The following GTPBP4 variants were observed in gnomAD, a reference collection of about 807,000 sequenced individuals.
GTPBP4 encodes GTP-binding protein 4.
Under a neutral mutation model 81.7 loss-of-function variants are expected in GTPBP4, and 15 were observed. The ratio of observed to expected loss-of-function variants is 0.18; its 90% CI spans 0.12 to 0.28. The LOEUF (loss-of-function observed/expected upper bound fraction) is 0.28, where lower values mean the gene tolerates loss of function less well. GTPBP4 is among the 10% of genes least tolerant of loss of function. The pLI, the probability that GTPBP4 is intolerant of heterozygous loss-of-function variation, is 1.00. For missense variants in GTPBP4, 847 were observed against 793.8 expected, an observed-to-expected ratio of 1.07 and a Z score of -0.81; for synonymous variants, 272 against 274.6, an observed-to-expected ratio of 0.99 and a Z score of 0.09.
At position 1,006,921 on chromosome 10, in the gene GTPBP4, G is replaced by A. The variant is rs576163423; in HGVS notation, c.1003-97G>A. On this transcript the variant is annotated intron_variant, in intron 9 of 16. Coordinates refer to ENST00000360803, the MANE Select transcript of GTPBP4 (RefSeq NM_012341.3). The stretch of plus-strand genomic sequence containing the variant: ...ACGTGTTAGTTACCTTGAGGGAAAA[G>A]GCTCAGTGGCTCTGATCTGTGGCTC... 6 of 755,994 alleles carry A rather than the reference G, an allele frequency of 7.9e-6. No individual in the cohort carries two copies. In the African/African-American group the frequency reaches 8.5e-5, roughly 11 times the overall value. The allele number at this position is 755,994 out of a possible 1,614,324, so 46.8% of individuals were successfully genotyped here.
intron 12 of GTPBP4, 41 bp from the exon 13 acceptor site, chr10:1,010,379 A>C: frequency 9.6e-7 from 1 of 1,038,546 alleles, no homozygotes; most frequent in East Asian, 2.4e-5. Flanking sequence ...TGAAGATATT[A>C]AAAACTGCTG....
At chr10:991,948 G>T (rs1470645878) in intron 1 of GTPBP4, among the ~76,000 whole-genome samples, 1 of 149,988 alleles carries the variant, frequency 6.7e-6, no homozygotes, top group Non-Finnish European at 1.5e-5. Flanking sequence ...GCCCGCCTCA[G>T]CCTCCCAAAG....
At position 1,000,721 on chromosome 10, in the gene GTPBP4, G is replaced by A. The variant is rs138136568; in HGVS notation, c.699G>A (p.Arg233=). ...PGILDHPLED[R]NTIEMQAITA... is the part of the protein sequence containing the mutation. ...TCCTGGACCACCCTCTGGAGGATAG[G>A]AACACCATCGAGATGCAGGCCATCA... Residue 233 remains arginine, a synonymous_variant, in exon 7 of 17, where the codon AGG becomes AGA. Transcript: ENST00000360803. 13 of 1,574,526 alleles carry A rather than the reference G, an allele frequency of 8.3e-6. No homozygotes were observed. Among genetic ancestry groups the A allele is most frequent in the Non-Finnish European group, 1.0e-5 (12 of 1,161,152 alleles).
Position 1,001,026 on chromosome 10 carries a change from A to G in GTPBP4, c.912+13A>G. On this transcript the variant is annotated intron_variant, in intron 8 of 16. Transcript: ENST00000360803. Reference sequence around the variant, plus strand: ...TGAAGATGATCAGGTAAATCACGTTAATATTTTGAATATTTCTTACTTACC... The same window carrying G: ...TGAAGATGATCAGGTAAATCACGTTGATATTTTGAATATTTCTTACTTACC... The G allele has an allele frequency of 6.5e-7, 1 of 1,536,206 alleles. No individual in the cohort carries two copies. The highest frequency in any genetic ancestry group is 1.7e-4 in the Middle Eastern group (1 of 5,860).
At chr10:999,604 A>T (rs1444259902) in intron 6 of GTPBP4, among the ~76,000 whole-genome samples, 1 of 152,216 alleles carries the variant, frequency 6.6e-6, no homozygotes, top group African/African-American at 2.4e-5. Context: ...TTAACATAAA[A>T]TGAAATTATC....
At position 1,017,321 on chromosome 10, in the gene GTPBP4, C is replaced by A; in HGVS notation, c.*94C>A. The A allele has an allele frequency of 1.8e-6, 2 of 1,135,398 alleles. No homozygotes were observed. Among genetic ancestry groups the A allele is most frequent in the Non-Finnish European group, 2.5e-6 (2 of 785,842 alleles). The allele number at this position is 1,135,398 out of a possible 1,614,324, so 70.3% of individuals were successfully genotyped here. ...TCATGAAATTGGAGCTCTGTATAAACTGAAAAAGACAAAATAAGTAAAGCA... is the reference window on the plus strand; with the variant it reads ...TCATGAAATTGGAGCTCTGTATAAAATGAAAAAGACAAAATAAGTAAAGCA... On this transcript the variant is annotated 3_prime_UTR_variant, in exon 17 of 17. Coordinates refer to ENST00000360803, the MANE Select transcript of GTPBP4 (RefSeq NM_012341.3).
chr10:999,751 A>G (rs1831591323), intron 6 of GTPBP4, among the ~76,000 whole-genome samples: 1 of 152,172 alleles, frequency 6.6e-6, no homozygotes, highest in Non-Finnish European at 1.5e-5. Flanking sequence ...CTGAGGTCAG[A>G]AGTTCGAGAT....
intron 8 of GTPBP4, among the ~76,000 whole-genome samples, chr10:1,004,322 G>T (rs1831687659): frequency 6.6e-6 from 1 of 152,140 alleles, no homozygotes. Flanking sequence ...TCCATTTCCT[G>T]GAAAGAGTGG....
intron 2 of GTPBP4, among the ~76,000 whole-genome samples, chr10:995,243 G>A (rs1831517371): frequency 6.6e-6 from 1 of 152,200 alleles, no homozygotes; most frequent in Admixed American, 6.5e-5. Context: ...GAATGTTTGG[G>A]GTAGAGCTGT....
At chr10:988,618 G>A in intron 1 of GTPBP4, 91 bp downstream of exon 1, 1 of 968,644 alleles carries the variant, frequency 1.0e-6, no homozygotes, top group East Asian at 2.5e-5. Context: ...TGGGAGAGCG[G>A]TCGCCTTCCG....
intron 1 of GTPBP4, among the ~76,000 whole-genome samples, chr10:991,149 C>T (rs1162260013): frequency 6.6e-6 from 1 of 152,128 alleles, no homozygotes. Flanking sequence ...GGGCGTGCCC[C>T]TCATAGTACA....
At chr10:1,009,702 T>C in intron 12 of GTPBP4, 122 bp downstream of exon 12, 2 of 726,094 alleles carry the variant, frequency 2.8e-6, no homozygotes, top group South Asian at 3.1e-5. Flanking sequence ...ACTTTTAATT[T>C]CTTGAAGATT....
In GTPBP4 at chr10:1,019,817, A is replaced by T; in HGVS notation, c.*2590A>T. On this transcript the variant is annotated 3_prime_UTR_variant, in exon 17 of 17. Transcript: ENST00000360803. ...TGTGGTGATAGATTGTCATGAACAC[A>T]ATGTCCTCTGGAGAAATCTATTGAC... 1 of 1,613,600 alleles carries T rather than the reference A, an allele frequency of 6.2e-7. No individual in the cohort carries two copies. Among genetic ancestry groups the T allele is most frequent in the East Asian group, 2.2e-5 (1 of 44,892 alleles).
Position 1,000,747 on chromosome 10 carries a change from C to T in GTPBP4, c.725C>T (p.Thr242Ile). The T allele has an allele frequency of 6.2e-7, 1 of 1,600,168 alleles. No individual in the cohort carries two copies. Among genetic ancestry groups the T allele is most frequent in the South Asian group, 1.1e-5 (1 of 88,236 alleles). Residue 242 changes from threonine (T) to isoleucine (I), a missense_variant, in exon 7 of 17, where the codon ACT (threonine) becomes ATT (isoleucine). This residue lies in a region of GTPBP4 where 600 missense variants were observed against 557.1 expected (regional missense o/e 1.08). Transcript: ENST00000360803. ...DRNTIEMQAI[T>I]ALAHLRAAVL... Reference sequence around the variant, plus strand: ...AACACCATCGAGATGCAGGCCATCACTGCCCTGGCCCACCTCCGTGCTGCG... The same window carrying T: ...AACACCATCGAGATGCAGGCCATCATTGCCCTGGCCCACCTCCGTGCTGCG...
chr10:990,769 A>G (rs1175519922), intron 1 of GTPBP4, among the ~76,000 whole-genome samples: 1 of 144,444 alleles, frequency 6.9e-6, no homozygotes, highest in Non-Finnish European at 1.5e-5. Context: ...CATATCTCGT[A>G]TGACCATACT....
chr10:999,421 C>T (rs1180201668), intron 6 of GTPBP4, among the ~76,000 whole-genome samples: 2 of 152,070 alleles, frequency 1.3e-5, no homozygotes, highest in Non-Finnish European at 2.9e-5. Context: ...CTGCACCTGG[C>T]AAGAGTCTTG....
Position 1,000,955 on chromosome 10 carries a change from T to C in GTPBP4, c.854T>C (p.Ile285Thr). Residue 285 changes from isoleucine to threonine, a missense_variant, in exon 8 of 17, where the codon ATA (isoleucine) becomes ACA (threonine). Around this residue, in one of 3 missense-constraint regions of GTPBP4, gnomAD observed 600 missense variants for 557.1 expected, o/e 1.08. Coordinates refer to ENST00000360803, the MANE Select transcript of GTPBP4 (RefSeq NM_012341.3). ...TTTTTCTTCCTTGCCTAGCCTCTCA[T>C]AGTTGTAGCCAACAAATGTGATGTG... ...IRPLFINKPL[I>T]VVANKCDVKR... 1.2e-6 allele frequency: 2 copies of C among 1,612,042 alleles called. No individual in the cohort carries two copies. The highest frequency in any genetic ancestry group is 1.7e-4 in the Middle Eastern group (1 of 6,058).
At chr10:994,768 C>T (rs1589023177) in intron 2 of GTPBP4, among the ~76,000 whole-genome samples, 1 of 152,246 alleles carries the variant, frequency 6.6e-6, no homozygotes, top group South Asian at 2.1e-4. Context: ...AAAGCCAGGA[C>T]TAGTTATCTG....
chr10:1,015,868 G>A lies in GTPBP4; in HGVS notation c.1724G>A (p.Arg575His), dbSNP rs369165113. ...AGTGGGAGTTGCTCTCGAACTCCAC[G>A]TGACGTTTCTGGTCTTAGGGATGTC... ...ARSGSCSRTP[R>H]DVSGLRDVKM... The change falls in exon 16 of 17, where the codon CGT (arginine) becomes CAT (histidine). Residue 575 changes from arginine to histidine, a missense_variant. Coordinates refer to ENST00000360803, the MANE Select transcript of GTPBP4 (RefSeq NM_012341.3). 5 of 1,613,686 alleles carry A rather than the reference G, an allele frequency of 3.1e-6. No individual in the cohort carries two copies. Among genetic ancestry groups the A allele is most frequent in the East Asian group, 4.5e-5 (2 of 44,888 alleles).
Sources: allele counts gnomAD v4.1 joint callset (sites outside exome capture counted in the v4.1 genomes callset), GRCh38; gene constraint gnomAD v4.1.1; regional missense constraint gnomAD v4.1.1; transcripts MANE v1.5; gene names NCBI Gene and HGNC (gene_info 2026-07-23, HGNC 2026-07-21).